The following HNRNPC variants were observed in gnomAD, a reference collection of about 807,000 sequenced individuals.
HNRNPC encodes heterogeneous nuclear ribonucleoprotein C.
A neutral mutation model predicts 33.2 loss-of-function variants in HNRNPC; 3 were observed. The observed-to-expected ratio is 0.09, with a 90% CI of 0.04 to 0.23. The LOEUF is 0.23. HNRNPC is among the 10% of genes least tolerant of loss of function. The pLI, the probability that HNRNPC is intolerant of heterozygous loss-of-function variation, is 1.00. For synonymous variants in HNRNPC, 121 were observed against 126.7 expected, an observed-to-expected ratio of 0.96 and a Z score of 0.30; for missense variants, 143 against 366.7, an observed-to-expected ratio of 0.39 and a Z score of 4.98.
intron 2 of HNRNPC, among the ~76,000 whole-genome samples, chr14:21,248,390 T>C (rs559245917): frequency 6.6e-6 from 1 of 152,330 alleles, no homozygotes; most frequent in South Asian, 2.1e-4. Flanking sequence ...GCATGCACTT[T>C]CTTTGGGAAG....
intron 2 of HNRNPC, among the ~76,000 whole-genome samples, chr14:21,256,881 TGAGCTCAAGC>T (rs1877314689): frequency 6.6e-6 from 1 of 152,096 alleles, no homozygotes; most frequent in Non-Finnish European, 1.5e-5. Flanking sequence ...CTCAAACCCC[TGAGCTCAAGC>T]GATGCGCCTC....
chr14:21,218,681 CAAAAAAAA>C (rs71112557), intron 5 of HNRNPC, among the ~76,000 whole-genome samples: 101 of 51,246 alleles, frequency 2.0e-3, no homozygotes, highest in African/African-American at 6.6e-3. Context: ...AACTCTCTCT[CAAAAAAAA>C]AAAAAAAAAA....
intron 5 of HNRNPC, among the ~76,000 whole-genome samples, chr14:21,227,724 A>C (rs1039069624): frequency 1.3e-5 from 2 of 152,216 alleles, no homozygotes; most frequent in African/African-American, 4.8e-5. Flanking sequence ...TCAAATTTTC[A>C]AATTTCCCCA....
chr14:21,244,337 T>C (rs930329606), intron 2 of HNRNPC, among the ~76,000 whole-genome samples: 2 of 152,346 alleles, frequency 1.3e-5, no homozygotes. Context: ...TAATCAAAAT[T>C]GTTTCCTTTC....
At chr14:21,230,866 C>T (rs1894038596) in intron 4 of HNRNPC, 131 bp downstream of exon 4, 6 of 977,572 alleles carry the variant, frequency 6.1e-6, no homozygotes, top group Non-Finnish European at 7.8e-6. Context: ...AGATAAAACA[C>T]AGTACACTTA....
intron 2 of HNRNPC, among the ~76,000 whole-genome samples, chr14:21,261,559 T>C (rs1423064449): frequency 6.6e-6 from 1 of 152,142 alleles, no homozygotes; most frequent in Admixed American, 6.5e-5. Flanking sequence ...GGGGGCAAGT[T>C]TGTGATTTAC....
At chr14:21,243,425 A>C (rs1439993113) in intron 2 of HNRNPC, among the ~76,000 whole-genome samples, 2 of 152,176 alleles carry the variant, frequency 1.3e-5, no homozygotes, top group African/African-American at 4.8e-5. Context: ...GGTTTATTCT[A>C]TGTATGTATA....
At chr14:21,216,120 C>CAAA (rs370660995) in intron 5 of HNRNPC, among the ~76,000 whole-genome samples, 2,396 of 87,458 alleles carry the variant, frequency 0.027, 19 homozygotes, top group Non-Finnish European at 0.029. Context: ...CCTCCACCAC[C>CAAA]AAAAAAAAAA....
chr14:21,213,415 G>A (rs1007753097), intron 5 of HNRNPC: 5 of 312,710 alleles, frequency 1.6e-5, no homozygotes, highest in Middle Eastern at 9.8e-4. Context: ...TGATTCCTCT[G>A]TACTAGTGTC....
chr14:21,220,691 T>C (rs1042337758), intron 5 of HNRNPC, among the ~76,000 whole-genome samples: 4 of 152,230 alleles, frequency 2.6e-5, no homozygotes, highest in African/African-American at 9.6e-5. Flanking sequence ...CCTATCTATG[T>C]AATAGCTGAA....
chr14:21,230,223 T>C (rs1893961920), intron 5 of HNRNPC, 96 bp downstream of exon 5: 1 of 823,660 alleles, frequency 1.2e-6, no homozygotes. Flanking sequence ...GGAGTATGTT[T>C]GAAAACATCT....
chr14:21,230,749 T>A (rs1029660229), intron 4 of HNRNPC: 1 of 519,162 alleles, frequency 1.9e-6, no homozygotes, highest in Non-Finnish European at 3.4e-6. Flanking sequence ...AAACTACTCT[T>A]TAATATCAAT....
At chr14:21,211,343 G>A (rs752909970) in intron 8 of HNRNPC, 37 bp from the exon 9 acceptor site, 3 of 1,613,390 alleles carry the variant, frequency 1.9e-6, no homozygotes, top group South Asian at 1.1e-5. Flanking sequence ...GGAGTTAGAG[G>A]CACTCCATGT....
intron 5 of HNRNPC, among the ~76,000 whole-genome samples, chr14:21,224,024 G>C (rs1566605503): frequency 6.6e-6 from 1 of 152,094 alleles, no homozygotes; most frequent in African/African-American, 2.4e-5. Context: ...TTTCAATGCA[G>C]AATGTCCCCA....
chr14:21,259,388 A>G (rs1877787904), intron 2 of HNRNPC, among the ~76,000 whole-genome samples: 1 of 152,192 alleles, frequency 6.6e-6, no homozygotes, highest in African/African-American at 2.4e-5. Context: ...GATCTATAAT[A>G]TCTAAGAGGG....
chr14:21,253,185 A>G (rs907908419), intron 2 of HNRNPC, among the ~76,000 whole-genome samples: 1 of 149,784 alleles, frequency 6.7e-6, no homozygotes, highest in African/African-American at 2.5e-5. Flanking sequence ...AAAAAAAAAA[A>G]AAAAAGACTG....
In HNRNPC at chr14:21,250,990, G is replaced by A. The variant is rs144794229; in HGVS notation, c.-37+12321C>T. Reference sequence around the variant, plus strand: ...AAGACTTCCATTTCCGGCCGGGCGCGGTGGCTCACGCCTGTAATCCCAGCA... The same window carrying A: ...AAGACTTCCATTTCCGGCCGGGCGCAGTGGCTCACGCCTGTAATCCCAGCA... On this transcript the variant is annotated intron_variant, in intron 2 of 8. Coordinates refer to ENST00000553300, the MANE Select transcript of HNRNPC (RefSeq NM_004500.4). Among the ~76,000 whole-genome samples, 666 of 152,212 alleles carry A rather than the reference G, an allele frequency of 4.4e-3. 5 individuals carry two copies. Among genetic ancestry groups the A allele is most frequent in the African/African-American group, 0.015 (642 of 41,536 alleles).
intron 5 of HNRNPC, among the ~76,000 whole-genome samples, chr14:21,228,566 ATT>A (rs988472114): frequency 6.6e-6 from 1 of 151,666 alleles, no homozygotes; most frequent in South Asian, 2.1e-4. Context: ...TAATTTTTGT[ATT>A]TTTTTAGTAG....
intron 2 of HNRNPC, among the ~76,000 whole-genome samples, chr14:21,237,577 T>G (rs1894843872): frequency 1.3e-5 from 2 of 152,210 alleles, no homozygotes; most frequent in Admixed American, 1.3e-4. Flanking sequence ...TTTTGTGGTG[T>G]TATTGATGCT....
Sources: gnomAD v4.1 joint callset for allele counts (sites outside exome capture counted in the v4.1 genomes callset) on GRCh38, gnomAD v4.1.1 for gene constraint, MANE v1.5 for transcripts, NCBI Gene and HGNC (gene_info 2026-07-23, HGNC 2026-07-21) for gene names.